Variants in CSMD3 observed in about 807,000 individuals in gnomAD.
CSMD3 encodes CUB and sushi domain-containing protein 3.
CSMD3 carries 177 observed loss-of-function variants against 435.2 expected under a neutral mutation model. The ratio of observed to expected loss-of-function variants is 0.41; its 90% CI spans 0.36 to 0.46. CSMD3 has a LOEUF of 0.46. CSMD3 is among the 20% of genes least tolerant of loss of function. The pLI is 0.34. For missense variants in CSMD3, 4,265 were observed against 4,504.6 expected (o/e 0.95, Z 1.52); for synonymous variants, 1,656 against 1,520.5 (o/e 1.09, Z -2.07).
At chr8:113,083,455 C>T (rs1303842147) in intron 5 of CSMD3, among the ~76,000 whole-genome samples, 1 of 151,930 alleles carries the variant, frequency 6.6e-6, no homozygotes, top group Non-Finnish European at 1.5e-5. Flanking sequence ...CTTTCCCAAG[C>T]AAGCAGAAAC....
intron 38 of CSMD3, among the ~76,000 whole-genome samples, chr8:112,369,230 T>A (rs1378536183): frequency 6.6e-6 from 1 of 152,062 alleles, no homozygotes; most frequent in Non-Finnish European, 1.5e-5. Flanking sequence ...GAAAAATATA[T>A]GAAAACATTT....
chr8:113,160,176 G>A (rs751685801), intron 4 of CSMD3, among the ~76,000 whole-genome samples: 12 of 152,034 alleles, frequency 7.9e-5, no homozygotes, highest in Middle Eastern at 6.8e-3. Flanking sequence ...TTATATGTAT[G>A]TATGACTTTG....
intron 5 of CSMD3, among the ~76,000 whole-genome samples, chr8:113,080,509 G>A (rs1480455): frequency 0.68 from 103,452 of 152,040 alleles, 37,028 homozygotes; most frequent in East Asian, 0.95. Flanking sequence ...ATCTAACAGA[G>A]GAGATAGACA....
chr8:113,021,156 G>A (rs1486263583), intron 5 of CSMD3, among the ~76,000 whole-genome samples: 2 of 151,812 alleles, frequency 1.3e-5, no homozygotes, highest in Non-Finnish European at 2.9e-5. Context: ...CTTTTCATAG[G>A]GATGAATCTG....
At chr8:112,637,204 A>T (rs2074686130) in intron 21 of CSMD3, among the ~76,000 whole-genome samples, 199 bp from the exon 22 acceptor site, 1 of 152,290 alleles carries the variant, frequency 6.6e-6, no homozygotes, top group African/African-American at 2.4e-5. Context: ...CTTGATAAAT[A>T]TTTGTATTTG....
At chr8:113,032,934 C>T (rs2087180673) in intron 5 of CSMD3, among the ~76,000 whole-genome samples, 1 of 151,462 alleles carries the variant, frequency 6.6e-6, no homozygotes, top group Admixed American at 6.6e-5. Flanking sequence ...TAAAAGGGGT[C>T]AAGGCACAGC....
At chr8:112,768,004 G>T (rs1364850384) in intron 13 of CSMD3, among the ~76,000 whole-genome samples, 2 of 151,730 alleles carry the variant, frequency 1.3e-5, no homozygotes, top group South Asian at 2.1e-4. Context: ...CAAATTATCT[G>T]CTGGGTAGGA....
At chr8:113,095,561 A>T (rs901465986) in intron 5 of CSMD3, among the ~76,000 whole-genome samples, 1 of 152,114 alleles carries the variant, frequency 6.6e-6, no homozygotes, top group Admixed American at 6.5e-5. Flanking sequence ...GGCCAATTCC[A>T]TTATAATTTT....
At chr8:112,847,868 A>G (rs2080371066) in intron 11 of CSMD3, among the ~76,000 whole-genome samples, 1 of 152,184 alleles carries the variant, frequency 6.6e-6, no homozygotes, top group Admixed American at 6.6e-5. Flanking sequence ...GGGGAGGAAG[A>G]TTAAGATTGT....
intron 24 of CSMD3, among the ~76,000 whole-genome samples, chr8:112,570,736 G>A (rs1030298326): frequency 4.6e-5 from 7 of 152,090 alleles, no homozygotes; most frequent in Non-Finnish European, 1.0e-4. Context: ...TATTTCTAAA[G>A]CCCTTTCCGA....
At chr8:112,294,718 T>C (rs1231230738) in intron 54 of CSMD3, among the ~76,000 whole-genome samples, 1 of 152,130 alleles carries the variant, frequency 6.6e-6, no homozygotes, top group East Asian at 1.9e-4. Context: ...CAAAATACAC[T>C]TTATTCTTCA....
intron 63 of CSMD3, among the ~76,000 whole-genome samples, chr8:112,247,337 C>G (rs1814832253): frequency 6.6e-6 from 1 of 152,038 alleles, no homozygotes; most frequent in African/African-American, 2.4e-5. Context: ...TACATATCAT[C>G]ATCAAATAGT....
At chr8:112,824,072 G>A (rs1414545111) in intron 12 of CSMD3, among the ~76,000 whole-genome samples, 1 of 152,082 alleles carries the variant, frequency 6.6e-6, no homozygotes, top group African/African-American at 2.4e-5. Context: ...TTACTATTAT[G>A]TAATACCCTT....
chr8:113,013,214 A>G (rs1564207891), intron 6 of CSMD3, among the ~76,000 whole-genome samples: 1 of 152,062 alleles, frequency 6.6e-6, no homozygotes, highest in Admixed American at 6.6e-5. Context: ...AGTTCCAAGA[A>G]AAAGTGTTTT....
At chr8:112,508,491 C>A (rs747331772) in intron 28 of CSMD3, among the ~76,000 whole-genome samples, 3 of 152,128 alleles carry the variant, frequency 2.0e-5, no homozygotes, top group Non-Finnish European at 4.4e-5. Flanking sequence ...TTATTCTAGG[C>A]TCCTGAACTT....
intron 31 of CSMD3, among the ~76,000 whole-genome samples, chr8:112,473,451 C>T (rs893358302): frequency 2.0e-5 from 3 of 152,038 alleles, no homozygotes; most frequent in South Asian, 4.1e-4. Flanking sequence ...CGAATAAGAT[C>T]ACTCTGAAAA....
rs147365873 is a variant in CSMD3 at position 112,333,669 on chromosome 8, T to TACACACACACAC, written c.7165+1648_7165+1659dup. On this transcript the variant is annotated intron_variant, in intron 45 of 70. Transcript: ENST00000297405. The stretch of plus-strand genomic sequence containing the variant: ...ATATGAATGTTCAAATTCTGTCTCA[T>TACACACACACAC]ACACACACACACACACACACACACA... Among the ~76,000 whole-genome samples the TACACACACACAC allele has an allele frequency of 6.4e-3, 940 of 147,926 alleles. 8 individuals are homozygous for TACACACACACAC. The highest frequency in any genetic ancestry group is 0.014 in the Middle Eastern group (4 of 292).
intron 68 of CSMD3, among the ~76,000 whole-genome samples, chr8:112,232,067 G>T (rs2129905393): frequency 6.6e-6 from 1 of 152,242 alleles, no homozygotes; most frequent in South Asian, 2.1e-4. Context: ...TGGGCCTATG[G>T]AGTGTGGGGA....
intron 3 of CSMD3, among the ~76,000 whole-genome samples, chr8:113,239,178 G>A (rs984555287): frequency 6.6e-6 from 1 of 152,034 alleles, no homozygotes; most frequent in African/African-American, 2.4e-5. Flanking sequence ...AGCTCTCATG[G>A]TTATCAGGAC....
Sources: gnomAD v4.1 joint callset for allele counts (sites outside exome capture counted in the v4.1 genomes callset) on GRCh38, gnomAD v4.1.1 for gene constraint, MANE v1.5 for transcripts, NCBI Gene and HGNC (gene_info 2026-07-23, HGNC 2026-07-21) for gene names.